SLC24A2: variants seen among roughly 807,000 people sequenced by gnomAD.
The protein encoded by SLC24A2 is sodium/potassium/calcium exchanger 2.
Under a neutral mutation model 62.0 loss-of-function variants are expected in SLC24A2, and 36 were observed. That is an observed-to-expected ratio of 0.58 (90% CI 0.44 to 0.77). The LOEUF is 0.77. Among genes scored for constraint, SLC24A2 ranks in the 30% least tolerant of loss-of-function variants. The pLI is 0.00. For synonymous variants in SLC24A2, 358 were observed against 294.0 expected (o/e 1.22, Z -2.23); for missense variants, 846 against 817.9 (o/e 1.03, Z -0.42).
chr9:19,670,681 G>T (rs1287686931), intron 2 of SLC24A2, among the ~76,000 whole-genome samples: 2 of 152,164 alleles, frequency 1.3e-5, no homozygotes, highest in East Asian at 3.8e-4. Context: ...CCAGCCTCTA[G>T]AACATTCCCA....
At chr9:19,721,860 T>C (rs1439726922) in intron 2 of SLC24A2, among the ~76,000 whole-genome samples, 2 of 152,312 alleles carry the variant, frequency 1.3e-5, no homozygotes, top group Non-Finnish European at 1.5e-5. Context: ...AACGTTGTCA[T>C]TATTCTTCAC....
At chr9:20,174,471 T>C in the SLC24A2 span, among the ~76,000 whole-genome samples, 1 of 151,548 alleles carries the variant, frequency 6.6e-6, no homozygotes, top group Non-Finnish European at 1.5e-5. Context: ...AAAGGACTAA[T>C]ATCCAGAATC....
intron 8 of SLC24A2, among the ~76,000 whole-genome samples, chr9:19,537,307 G>T (rs962885552): frequency 3.5e-4 from 46 of 131,096 alleles, no homozygotes; most frequent in African/African-American, 1.4e-3. Context: ...TAATGCCTAG[G>T]TTTTCTTCTA....
intron 2 of SLC24A2, among the ~76,000 whole-genome samples, chr9:19,720,166 T>C (rs1564061953): frequency 2.0e-5 from 3 of 152,230 alleles, no homozygotes; most frequent in South Asian, 4.1e-4. Context: ...TCAAGAAATG[T>C]AGGTAACCCT....
At chr9:19,567,772 C>CAATG (rs1235355701) in intron 7 of SLC24A2, among the ~76,000 whole-genome samples, 2 of 149,850 alleles carry the variant, frequency 1.3e-5, no homozygotes, top group African/African-American at 2.5e-5. Flanking sequence ...GAATCAACAA[C>CAATG]AATGGATCAG....
At chr9:19,693,211 A>G (rs1365670671) in intron 2 of SLC24A2, among the ~76,000 whole-genome samples, 1 of 152,122 alleles carries the variant, frequency 6.6e-6, no homozygotes, top group Non-Finnish European at 1.5e-5. Context: ...AGGATTATAA[A>G]TCATGCTGCT....
At chr9:20,049,641 A>ATAAATATGTTAAGTATTAAGT in the SLC24A2 span, among the ~76,000 whole-genome samples, 98,050 of 151,600 alleles carry the variant, frequency 0.65, 32,484 homozygotes, top group East Asian at 0.94. Flanking sequence ...AACAAAGATG[A>ATAAATATGTTAAGTATTAAGT]CAAATATGTT....
the SLC24A2 span, among the ~76,000 whole-genome samples, chr9:19,850,964 T>TATATATATAC: frequency 7.9e-5 from 2 of 25,230 alleles, no homozygotes; most frequent in African/African-American, 2.3e-4. Context: ...TATATATATA[T>TATATATATAC]ATGTATATAT....
rs1295052306 is a variant in SLC24A2, at chr9:19,509,438, C to T, written c.*6715G>A. On this transcript the variant is annotated 3_prime_UTR_variant, in exon 11 of 11. Coordinates refer to ENST00000341998, the MANE Select transcript of SLC24A2 (RefSeq NM_020344.4). ...TAAACAATACAAAACAGGAATGACT[C>T]ATGGACTGCTTATTGATTGACTATA... 6.6e-6 allele frequency: 1 copy of T among 152,078 alleles called. No individual in the cohort carries two copies. Among genetic ancestry groups the T allele is most frequent in the Non-Finnish European group, 1.5e-5 (1 of 68,004 alleles). The allele number at this position is 152,078 out of a possible 1,614,324, so 9.4% of individuals were successfully genotyped here. A position where few individuals can be genotyped will look rare whatever the true frequency, so the allele number is the denominator to read the frequency against.
At chr9:19,970,350 A>G in the SLC24A2 span, among the ~76,000 whole-genome samples, 1 of 152,210 alleles carries the variant, frequency 6.6e-6, no homozygotes, top group Non-Finnish European at 1.5e-5. Context: ...TTTTATGTAA[A>G]TTAAAATAAT....
intron 2 of SLC24A2, among the ~76,000 whole-genome samples, chr9:19,636,320 TTTCTTTCTTTCTTTC>T (rs1818333688): frequency 4.7e-5 from 1 of 21,356 alleles, no homozygotes; most frequent in Non-Finnish European, 1.1e-4. Flanking sequence ...TTTTCTTTTC[TTTCTTTCTTTCTTTC>T]TTTCTTTCTT....
intron 2 of SLC24A2, among the ~76,000 whole-genome samples, chr9:19,748,302 C>T (rs954095084): frequency 1.3e-5 from 2 of 152,172 alleles, no homozygotes; most frequent in Non-Finnish European, 2.9e-5. Flanking sequence ...CCATTGCACT[C>T]ATGCAAGCCA....
the SLC24A2 span, among the ~76,000 whole-genome samples, chr9:20,048,241 A>C: frequency 6.6e-6 from 1 of 152,184 alleles, no homozygotes; most frequent in African/African-American, 2.4e-5. Context: ...CATAGTAGGT[A>C]TTTAGTAAAT....
the SLC24A2 span, among the ~76,000 whole-genome samples, chr9:20,210,802 C>T: frequency 6.7e-6 from 1 of 150,324 alleles, no homozygotes; most frequent in Non-Finnish European, 1.5e-5. Flanking sequence ...CCGCGCCCGG[C>T]CACAGAAGGT....
At chr9:20,266,160 G>C in the SLC24A2 span, among the ~76,000 whole-genome samples, 1 of 152,130 alleles carries the variant, frequency 6.6e-6, no homozygotes. Flanking sequence ...ACCTTGTAAA[G>C]CATGTGATCT....
rs185150824 is a variant in SLC24A2 at position 19,649,792 on chromosome 9, A to G, written c.931-27493T>C. Among the ~76,000 whole-genome samples, 8 of 152,362 alleles carry G rather than the reference A, an allele frequency of 5.3e-5. No individual in the cohort carries two copies. In the East Asian group the frequency reaches 1.5e-3, roughly 29 times the overall value. On this transcript the variant is annotated intron_variant, in intron 2 of 10. Transcript: ENST00000341998. Reference sequence around the variant, plus strand: ...CACAGAAAGAACTTGTCCAATTAGCACAGTTTGCCAGGTGGTTATCTTGGA... The same window carrying G: ...CACAGAAAGAACTTGTCCAATTAGCGCAGTTTGCCAGGTGGTTATCTTGGA...
At chr9:19,532,181 C>T (rs868760689) in intron 8 of SLC24A2, among the ~76,000 whole-genome samples, 10 of 152,130 alleles carry the variant, frequency 6.6e-5, no homozygotes, top group African/African-American at 2.4e-4. Flanking sequence ...CTTGTGGGTT[C>T]AAGTGTTTCT....
chr9:20,096,746 T>C, the SLC24A2 span, among the ~76,000 whole-genome samples: 1 of 151,870 alleles, frequency 6.6e-6, no homozygotes, highest in African/African-American at 2.4e-5. Context: ...GGATTGAATA[T>C]TCTTTTTTTT....
the SLC24A2 span, among the ~76,000 whole-genome samples, chr9:20,303,507 C>T: frequency 3.3e-5 from 5 of 152,132 alleles, no homozygotes; most frequent in Non-Finnish European, 7.4e-5. Flanking sequence ...ATCTAGTTCC[C>T]ACGTTCTGAC....
Sources: gnomAD v4.1 joint callset for allele counts (sites outside exome capture counted in the v4.1 genomes callset) on GRCh38, gnomAD v4.1.1 for gene constraint, MANE v1.5 for transcripts, NCBI Gene and HGNC (gene_info 2026-07-23, HGNC 2026-07-21) for gene names.